LRP1B: variants seen among roughly 807,000 people sequenced by gnomAD.
The protein encoded by LRP1B is LDL receptor related protein 1B, also known as low-density lipoprotein receptor-related protein 1B.
In LRP1B, 217 loss-of-function variants were observed where a neutral mutation model predicts 556.6. The ratio of observed to expected loss-of-function variants is 0.39; its 90% CI spans 0.35 to 0.44. The LOEUF (loss-of-function observed/expected upper bound fraction) is 0.44. Ranked by LOEUF, LRP1B falls within the 20% of genes least tolerant of loss-of-function variation. The pLI is 1.00. For missense variants in LRP1B, 5,053 were observed against 5,620.8 expected (o/e 0.90, Z 3.23); for synonymous variants, 2,047 against 1,865.8 (o/e 1.10, Z -2.50).
intron 66 of LRP1B, among the ~76,000 whole-genome samples, chr2:140,420,577 T>G (rs1056779333): frequency 6.6e-6 from 1 of 152,224 alleles, no homozygotes; most frequent in African/African-American, 2.4e-5. Flanking sequence ...GCAGTTTGAT[T>G]TGCAATATTC....
At chr2:140,615,752 C>A (rs1683232668) in intron 41 of LRP1B, among the ~76,000 whole-genome samples, 1 of 29,128 alleles carries the variant, frequency 3.4e-5, no homozygotes, top group Admixed American at 3.4e-4. Flanking sequence ...AGATAAATAC[C>A]TTCTCAACAT....
intron 2 of LRP1B, among the ~76,000 whole-genome samples, chr2:141,494,556 C>T (rs1483803555): frequency 6.6e-6 from 1 of 151,506 alleles, no homozygotes; most frequent in South Asian, 2.1e-4. Context: ...GCTGTTTTTG[C>T]CACTGAAACT....
intron 2 of LRP1B, among the ~76,000 whole-genome samples, chr2:141,695,669 C>T (rs1320478045): frequency 6.6e-6 from 1 of 151,788 alleles, no homozygotes; most frequent in Non-Finnish European, 1.5e-5. Flanking sequence ...TTATCCTCAC[C>T]ACAAAAACAC....
At chr2:141,035,750 TA>T (rs967612354) in intron 11 of LRP1B, among the ~76,000 whole-genome samples, 1 of 152,044 alleles carries the variant, frequency 6.6e-6, no homozygotes, top group African/African-American at 2.4e-5. Flanking sequence ...ATTTTTTTGT[TA>T]AAAAAATACA....
chr2:140,485,769 A>G (rs1158419490), intron 58 of LRP1B, among the ~76,000 whole-genome samples: 1 of 151,844 alleles, frequency 6.6e-6, no homozygotes, highest in Non-Finnish European at 1.5e-5. Flanking sequence ...AAGTTGTTGG[A>G]GAGCTGCACA....
chr2:142,070,003 A>G (rs1416920422), intron 1 of LRP1B, among the ~76,000 whole-genome samples: 1 of 151,796 alleles, frequency 6.6e-6, no homozygotes, highest in Admixed American at 6.6e-5. Context: ...TCATAATTTA[A>G]TGTTTTAAAT....
At chr2:140,622,774 T>G (rs976142966) in intron 41 of LRP1B, among the ~76,000 whole-genome samples, 1 of 152,178 alleles carries the variant, frequency 6.6e-6, no homozygotes, top group East Asian at 1.9e-4. Flanking sequence ...GCTCTGAAAC[T>G]AGAGTGAAGT....
intron 11 of LRP1B, among the ~76,000 whole-genome samples, chr2:141,034,967 A>T (rs1698488159): frequency 6.6e-6 from 1 of 152,016 alleles, no homozygotes. Flanking sequence ...CAAATGTCCA[A>T]CAATGATAGA....
At chr2:140,389,206 A>T (rs1053882941) in intron 66 of LRP1B, among the ~76,000 whole-genome samples, 1 of 152,104 alleles carries the variant, frequency 6.6e-6, no homozygotes, top group Non-Finnish European at 1.5e-5. Context: ...CCTCCCAGAA[A>T]GGTAATATGA....
At chr2:140,903,838 T>G (rs1694172958) in intron 22 of LRP1B, among the ~76,000 whole-genome samples, 1 of 151,702 alleles carries the variant, frequency 6.6e-6, no homozygotes, top group Non-Finnish European at 1.5e-5. Flanking sequence ...TGTCCTGGTA[T>G]TTTGTCTGAA....
chr2:140,928,608 G>A (rs547699786), intron 20 of LRP1B, among the ~76,000 whole-genome samples: 1 of 152,170 alleles, frequency 6.6e-6, no homozygotes, highest in South Asian at 2.1e-4. Context: ...CCATCTTATT[G>A]GTCCCAGTCA....
chr2:141,349,181 A>G (rs932683722), intron 3 of LRP1B, among the ~76,000 whole-genome samples: 1 of 152,076 alleles, frequency 6.6e-6, no homozygotes, highest in African/African-American at 2.4e-5. Context: ...CATTTCAAGT[A>G]TTTCCTCACT....
At chr2:140,613,804 T>C (rs1246313028) in intron 41 of LRP1B, among the ~76,000 whole-genome samples, 2 of 152,100 alleles carry the variant, frequency 1.3e-5, no homozygotes, top group Non-Finnish European at 2.9e-5. Context: ...AATTTACTGT[T>C]TTTCTAGCCA....
At chr2:140,271,992 CTG>C (rs1180207483) in intron 85 of LRP1B, among the ~76,000 whole-genome samples, 1 of 151,826 alleles carries the variant, frequency 6.6e-6, no homozygotes, top group East Asian at 1.9e-4. Flanking sequence ...AAAAAGATAA[CTG>C]TTTATCAAAT....
chr2:141,518,917 T>C (rs1485321279), intron 2 of LRP1B, among the ~76,000 whole-genome samples: 1 of 152,074 alleles, frequency 6.6e-6, no homozygotes, highest in African/African-American at 2.4e-5. Context: ...GCCATTGCAC[T>C]CCAGCCTGGA....
chr2:141,639,391 CACATAT>C (rs373274963), intron 2 of LRP1B, among the ~76,000 whole-genome samples: 43,591 of 100,734 alleles, frequency 0.43, 10,591 homozygotes, highest in Non-Finnish European at 0.53. Context: ...TATATATATA[CACATAT>C]ATATATATGT....
At chr2:141,664,740 G>A (rs551902619) in intron 2 of LRP1B, among the ~76,000 whole-genome samples, 89 of 152,272 alleles carry the variant, frequency 5.8e-4, no homozygotes, top group African/African-American at 1.8e-3. Flanking sequence ...CCATGCTCAT[G>A]GATAGGACAA....
intron 32 of LRP1B, among the ~76,000 whole-genome samples, chr2:140,782,740 AAGAG>A (rs1383404247): frequency 9.3e-5 from 14 of 151,212 alleles, no homozygotes; most frequent in African/African-American, 3.4e-4. Context: ...TCTTCTCCAA[AAGAG>A]AGAGAGAGAG....
chr2:140,753,640 C>G (rs1688654154), intron 35 of LRP1B, among the ~76,000 whole-genome samples: 1 of 152,116 alleles, frequency 6.6e-6, no homozygotes, highest in Non-Finnish European at 1.5e-5. Context: ...TATACTAACT[C>G]TAGGTTAGAA....
Sources: gnomAD v4.1 joint callset for allele counts (sites outside exome capture counted in the v4.1 genomes callset) on GRCh38, gnomAD v4.1.1 for gene constraint, MANE v1.5 for transcripts, NCBI Gene and HGNC (gene_info 2026-07-23, HGNC 2026-07-21) for gene names.